Variants in SORCS1 observed in about 807,000 individuals in gnomAD.
SORCS1 encodes sortilin related VPS10 domain containing receptor 1.
Under a neutral mutation model 146.1 loss-of-function variants are expected in SORCS1, and 60 were observed. That is an observed-to-expected ratio of 0.41 (90% CI 0.33 to 0.51). The LOEUF is 0.51. Among genes scored for constraint, SORCS1 ranks in the 20% least tolerant of loss-of-function variants. The pLI is 0.21. For synonymous variants in SORCS1, 637 were observed against 584.0 expected (o/e 1.09, Z -1.31); for missense variants, 1,352 against 1,487.6 (o/e 0.91, Z 1.50).
At chr10:107,172,845 T>A in the SORCS1 span, among the ~76,000 whole-genome samples, 7 of 152,178 alleles carry the variant, frequency 4.6e-5, no homozygotes, top group Non-Finnish European at 8.8e-5. Context: ...ACTGAAAATG[T>A]TCCTGTTTTC....
intron 1 of SORCS1, among the ~76,000 whole-genome samples, chr10:107,161,114 T>TA (rs1969671404): frequency 6.6e-6 from 1 of 152,152 alleles, no homozygotes; most frequent in African/African-American, 2.4e-5. Context: ...GACATGTCTT[T>TA]ATACAACTGC....
rs183842003 is a variant in SORCS1, at chr10:106,708,513, G to A, written c.1143+710C>T. 3.3e-5 allele frequency among the ~76,000 whole-genome samples: 5 copies of A among 152,254 alleles called. No homozygotes were observed. In the East Asian group the frequency reaches 7.7e-4, roughly 23 times the overall value. On this transcript the variant is annotated intron_variant, in intron 7 of 25. Transcript: ENST00000263054. ...GAAGGTGGTAACTGAGTTTTAAAAT[G>A]CATTGTCCAAACAAGCTTAAATTTT...
At chr10:106,641,829 T>G (rs1849089327) in intron 18 of SORCS1, among the ~76,000 whole-genome samples, 1 of 152,066 alleles carries the variant, frequency 6.6e-6, no homozygotes, top group African/African-American at 2.4e-5. Context: ...TATTAATCTT[T>G]TTTATTTCCA....
At chr10:106,653,926 T>G (rs879700958) in intron 17 of SORCS1, among the ~76,000 whole-genome samples, 2 of 152,232 alleles carry the variant, frequency 1.3e-5, no homozygotes, top group Non-Finnish European at 2.9e-5. Context: ...AGCTGTAAAT[T>G]CTGTAGGCCT....
At chr10:106,806,505 CTTT>C (rs1191296212) in intron 3 of SORCS1, among the ~76,000 whole-genome samples, 2 of 70,468 alleles carry the variant, frequency 2.8e-5, no homozygotes, top group African/African-American at 6.4e-5. Context: ...GAGAGGAAGC[CTTT>C]TTTTTTTTTT....
chr10:106,945,420 A>T (rs1169508726), intron 2 of SORCS1, among the ~76,000 whole-genome samples: 2 of 152,224 alleles, frequency 1.3e-5, no homozygotes, highest in Non-Finnish European at 2.9e-5. Flanking sequence ...TATTAAGCTT[A>T]AATTTTGACA....
intron 4 of SORCS1, among the ~76,000 whole-genome samples, chr10:106,769,270 G>A (rs1172579532): frequency 6.6e-6 from 1 of 152,084 alleles, no homozygotes; most frequent in Non-Finnish European, 1.5e-5. Flanking sequence ...CAGATCACAA[G>A]GTCAGGAGTT....
At chr10:106,654,604 CA>C (rs1177323923) in intron 17 of SORCS1, among the ~76,000 whole-genome samples, 1 of 152,190 alleles carries the variant, frequency 6.6e-6, no homozygotes, top group Non-Finnish European at 1.5e-5. Flanking sequence ...GTAACTGTAC[CA>C]GTTTAAATGT....
chr10:107,103,168 T>C (rs1009502362), intron 1 of SORCS1, among the ~76,000 whole-genome samples: 1 of 152,236 alleles, frequency 6.6e-6, no homozygotes, highest in African/African-American at 2.4e-5. Context: ...ATTTGGACTT[T>C]GGCATTTTTA....
intron 22 of SORCS1, 126 bp from the exon 23 acceptor site, chr10:106,607,423 G>T: frequency 7.9e-7 from 1 of 1,258,416 alleles, no homozygotes; most frequent in Non-Finnish European, 1.1e-6. Context: ...GCAGAGGCCT[G>T]GGCATATCAG....
At chr10:106,693,088 A>G (rs555168981) in intron 9 of SORCS1, among the ~76,000 whole-genome samples, 1 of 152,292 alleles carries the variant, frequency 6.6e-6, no homozygotes, top group South Asian at 2.1e-4. Context: ...CTGTGTGTAC[A>G]CTTGGGTCCC....
chr10:106,691,945 T>G (rs1853327572), intron 9 of SORCS1, among the ~76,000 whole-genome samples: 1 of 152,038 alleles, frequency 6.6e-6, no homozygotes, highest in South Asian at 2.1e-4. Context: ...CACATTATGG[T>G]CTCCTACTCT....
chr10:106,710,570 C>G (rs565222580), intron 6 of SORCS1, among the ~76,000 whole-genome samples: 1 of 152,064 alleles, frequency 6.6e-6, no homozygotes, highest in African/African-American at 2.4e-5. Flanking sequence ...ACAACTCTTA[C>G]GTCAGTTTGG....
chr10:107,159,537 G>T (rs973822019), intron 1 of SORCS1, among the ~76,000 whole-genome samples: 12 of 152,172 alleles, frequency 7.9e-5, no homozygotes, highest in African/African-American at 2.9e-4. Flanking sequence ...TAGGAATAAA[G>T]CACTTTGTAT....
intron 4 of SORCS1, among the ~76,000 whole-genome samples, chr10:106,762,801 C>T (rs1484374954): frequency 6.6e-6 from 1 of 152,040 alleles, no homozygotes; most frequent in African/African-American, 2.4e-5. Flanking sequence ...GTGACAACTC[C>T]CCTCATAGAG....
At chr10:106,839,585 T>C (rs1948931772) in intron 2 of SORCS1, among the ~76,000 whole-genome samples, 1 of 152,172 alleles carries the variant, frequency 6.6e-6, no homozygotes, top group East Asian at 1.9e-4. Context: ...ACAGAAAATC[T>C]AGCTAAGATC....
At chr10:106,647,389 T>TACAC (rs3044913) in intron 18 of SORCS1, among the ~76,000 whole-genome samples, 11,142 of 147,374 alleles carry the variant, frequency 0.076, 464 homozygotes, top group East Asian at 0.2. Context: ...TTATAAATTT[T>TACAC]ACACACACAC....
At chr10:106,988,762 T>C (rs1374358362) in intron 1 of SORCS1, among the ~76,000 whole-genome samples, 1 of 152,168 alleles carries the variant, frequency 6.6e-6, no homozygotes, top group African/African-American at 2.4e-5. Context: ...AATGTGACTT[T>C]TTAACACAAT....
chr10:107,027,060 TATAA>T (rs1958439786), intron 1 of SORCS1, among the ~76,000 whole-genome samples: 2 of 146,568 alleles, frequency 1.4e-5, no homozygotes, highest in Middle Eastern at 3.3e-3. Context: ...ATATATAAAA[TATAA>T]ATATATATCA....
Sources: allele counts gnomAD v4.1 joint callset (sites outside exome capture counted in the v4.1 genomes callset), GRCh38; gene constraint gnomAD v4.1.1; transcripts MANE v1.5; gene names NCBI Gene and HGNC (gene_info 2026-07-23, HGNC 2026-07-21).